Variants in GUCA1A observed in about 807,000 individuals in gnomAD.
The protein encoded by GUCA1A is guanylyl cyclase-activating protein 1.
Under a neutral mutation model 18.5 loss-of-function variants are expected in GUCA1A, and 14 were observed. That is an observed-to-expected ratio of 0.76 (90% CI 0.50 to 1.18). The LOEUF (loss-of-function observed/expected upper bound fraction) is 1.18. Among genes scored for constraint, GUCA1A ranks in the 50% most tolerant of loss-of-function variants. The pLI is 0.00. For missense variants in GUCA1A, 264 were observed against 262.4 expected (o/e 1.01, Z -0.04); for synonymous variants, 97 against 100.2 (o/e 0.97, Z 0.19).
chr6:42,175,897 C>T (rs1767948040), intron 1 of GUCA1A, among the ~76,000 whole-genome samples: 1 of 152,178 alleles, frequency 6.6e-6, no homozygotes, highest in Admixed American at 6.5e-5. Flanking sequence ...TAGAAGTCTC[C>T]TCACTAACCC....
chr6:42,173,690 T>A lies in GUCA1A; in HGVS notation c.77T>A (p.Met26Lys). ...TGCCACCAGTGGTACAAGAAGTTCA[T>A]GACTGAGTGCCCCTCTGGCCAACTC... ...TECHQWYKKF[M>K]TECPSGQLTL... Residue 26 changes from methionine to lysine, a missense_variant, in exon 1 of 4, where the codon ATG becomes AAG. Coordinates refer to ENST00000372958, the MANE Select transcript of GUCA1A (RefSeq NM_001384910.1). 6.2e-7 allele frequency: 1 copy of A among 1,613,966 alleles called. No homozygotes were observed. Among genetic ancestry groups the A allele is most frequent in the African/African-American group, 1.3e-5 (1 of 75,060 alleles).
At position 42,179,358 on chromosome 6, in the gene GUCA1A, G is replaced by A. The variant is rs753315609; in HGVS notation, c.561G>A (p.Glu187=). The change falls in exon 4 of 4, where the codon GAG becomes GAA. Residue 187 remains glutamate, a synonymous_variant. Coordinates refer to ENST00000372958, the MANE Select transcript of GUCA1A (RefSeq NM_001384910.1). ...TCGTGCGCAGGCTCCAGAATGGCGA[G>A]CAAGACGAGGAGGGGGCTGACGAGG... The part of the protein sequence containing the change: ...TRIVRRLQNG[E]QDEEGADEAA... 1.2e-6 allele frequency: 2 copies of A among 1,612,146 alleles called. No homozygotes were observed. The highest frequency in any genetic ancestry group is 2.2e-5 in the South Asian group (2 of 90,838).
At chr6:42,174,239 G>A (rs113956341) in intron 1 of GUCA1A, among the ~76,000 whole-genome samples, 6 of 152,206 alleles carry the variant, frequency 3.9e-5, no homozygotes, top group Non-Finnish European at 7.3e-5. Flanking sequence ...GGTCCTATAC[G>A]TGGTGCTTTT....
At chr6:42,176,230 C>T (rs1419545869) in intron 1 of GUCA1A, among the ~76,000 whole-genome samples, 1 of 152,128 alleles carries the variant, frequency 6.6e-6, no homozygotes, top group Non-Finnish European at 1.5e-5. Context: ...TTATAATATA[C>T]ATCAATTTAA....
rs1459475645 is a variant in GUCA1A at position 42,173,718 on chromosome 6, C to T, written c.105C>T (p.Thr35=). 1 of 1,613,500 alleles carries T rather than the reference C, an allele frequency of 6.2e-7. No individual in the cohort carries two copies. The highest frequency in any genetic ancestry group is 2.2e-5 in the East Asian group (1 of 44,882). Residue 35 remains threonine, a synonymous_variant, in exon 1 of 4, where the codon ACC becomes ACT. Transcript: ENST00000372958. ...FMTECPSGQL[T]LYEFRQFFGL... ...CTGAGTGCCCCTCTGGCCAACTCAC[C>T]CTCTATGAGTTCCGCCAGTTCTTCG...
At chr6:42,177,848 T>C (rs1767998021) in intron 1 of GUCA1A, among the ~76,000 whole-genome samples, 1 of 152,104 alleles carries the variant, frequency 6.6e-6, no homozygotes, top group Non-Finnish European at 1.5e-5. Context: ...TCCCAAAAGC[T>C]CACCCAAACC....
At chr6:42,176,439 T>C (rs958253670) in intron 1 of GUCA1A, among the ~76,000 whole-genome samples, 7 of 151,654 alleles carry the variant, frequency 4.6e-5, no homozygotes, top group African/African-American at 1.7e-4. Flanking sequence ...TTTGTTGTTG[T>C]TGTTGTTTTT....
chr6:42,173,500 A>C lies in GUCA1A; in HGVS notation c.-114A>C. The C allele has an allele frequency of 1.3e-6, 1 of 797,380 alleles. No individual in the cohort carries two copies. 49.4% of individuals were successfully genotyped at this position (797,380 alleles called of 1,614,324 possible). On this transcript the variant is annotated 5_prime_UTR_variant, in exon 1 of 4. Coordinates refer to ENST00000372958, the MANE Select transcript of GUCA1A (RefSeq NM_001384910.1). Reference sequence around the variant, plus strand: ...CAGGCCCTTCTTTGCTCAGGCCTGAAGGACTCAGGCCTGTGAGAGAGGACG... The same window carrying C: ...CAGGCCCTTCTTTGCTCAGGCCTGACGGACTCAGGCCTGTGAGAGAGGACG...
intron 1 of GUCA1A, among the ~76,000 whole-genome samples, chr6:42,177,777 G>A (rs1313826463): frequency 2.0e-5 from 3 of 152,166 alleles, no homozygotes; most frequent in Non-Finnish European, 4.4e-5. Context: ...GCCCACTGTG[G>A]GGTTCAGAGT....
chr6:42,175,593 G>A (rs1283734895), intron 1 of GUCA1A, among the ~76,000 whole-genome samples: 2 of 152,012 alleles, frequency 1.3e-5, no homozygotes, highest in African/African-American at 4.8e-5. Flanking sequence ...TCAAACTCTT[G>A]ACCTCAGGTG....
chr6:42,175,834 C>T (rs1170818061), intron 1 of GUCA1A, among the ~76,000 whole-genome samples: 1 of 152,212 alleles, frequency 6.6e-6, no homozygotes, highest in Non-Finnish European at 1.5e-5. Flanking sequence ...GGGACCCTCT[C>T]TGCCCCCAGA....
At position 42,178,412 on chromosome 6, in the gene GUCA1A, C is replaced by T. The variant is rs1768018820; in HGVS notation, c.334C>T (p.Leu112=). 1 of 1,614,010 alleles carries T rather than the reference C, an allele frequency of 6.2e-7. No individual in the cohort carries two copies. The highest frequency in any genetic ancestry group is 8.5e-7 in the Non-Finnish European group (1 of 1,179,904). Residue 112 remains leucine, a synonymous_variant, in exon 2 of 4, where the codon CTG becomes TTG. Coordinates refer to ENST00000372958, the MANE Select transcript of GUCA1A (RefSeq NM_001384910.1). ...DGNGCIDRDE[L]LTIIQAIRAI... ...CAACGGCTGCATTGACCGCGATGAG[C>T]TGCTCACCATCATCCAGGTGCAGAG...
rs1420549648 is a variant in GUCA1A at position 42,173,394 on chromosome 6, A to G, written c.-220A>G. 1 of 609,506 alleles carries G rather than the reference A, an allele frequency of 1.6e-6. No individual in the cohort carries two copies. Among genetic ancestry groups the G allele is most frequent in the African/African-American group, 1.8e-5 (1 of 54,414 alleles). The allele number at this position is 609,506 out of a possible 1,614,324, so 37.8% of individuals were successfully genotyped here. ...AGACTCTTAACACCAGTTCTCTGGCATCTGTGAGTTTGAGTGTGGGCCATC... is the reference window on the plus strand; with the variant it reads ...AGACTCTTAACACCAGTTCTCTGGCGTCTGTGAGTTTGAGTGTGGGCCATC... On this transcript the variant is annotated 5_prime_UTR_variant, in exon 1 of 4. Coordinates refer to ENST00000372958, the MANE Select transcript of GUCA1A (RefSeq NM_001384910.1).
Position 42,179,346 on chromosome 6 carries a change from C to G in GUCA1A, c.549C>G (p.Leu183=), listed in dbSNP as rs752273770. ...ACCTTACCCGCATCGTGCGCAGGCT[C>G]CAGAATGGCGAGCAAGACGAGGAGG... The part of the protein sequence containing the change: ...SLDLTRIVRR[L]QNGEQDEEGA... Residue 183 remains leucine, a synonymous_variant, in exon 4 of 4, where the codon CTC becomes CTG. Coordinates refer to ENST00000372958, the MANE Select transcript of GUCA1A (RefSeq NM_001384910.1). 6 of 1,613,282 alleles carry G rather than the reference C, an allele frequency of 3.7e-6. No homozygotes were observed. The highest frequency in any genetic ancestry group is 4.2e-6 in the Non-Finnish European group (5 of 1,179,460).
At chr6:42,174,284 A>G (rs1257200143) in intron 1 of GUCA1A, among the ~76,000 whole-genome samples, 1 of 152,222 alleles carries the variant, frequency 6.6e-6, no homozygotes, top group Non-Finnish European at 1.5e-5. Flanking sequence ...GGATGTGGGC[A>G]GAGGGGCAGA....
At chr6:42,174,522 C>T (rs1370047967) in intron 1 of GUCA1A, among the ~76,000 whole-genome samples, 3 of 152,158 alleles carry the variant, frequency 2.0e-5, no homozygotes, top group East Asian at 1.9e-4. Context: ...GCCACCTGGA[C>T]GCATTAGGTA....
chr6:42,178,819 C>T lies in GUCA1A; in HGVS notation c.369C>T (p.Asn123=), dbSNP rs867885093. Residue 123 remains asparagine, a synonymous_variant, in exon 3 of 4, where the codon AAC becomes AAT. Coordinates refer to ENST00000372958, the MANE Select transcript of GUCA1A (RefSeq NM_001384910.1). The part of the protein sequence containing the change: ...LTIIQAIRAI[N]PCSDTTMTAE... ...CCTCCCAGGCCATTCGCGCCATTAA[C>T]CCCTGCAGCGATACCACCATGACTG... 11 of 1,613,118 alleles carry T rather than the reference C, an allele frequency of 6.8e-6. No individual in the cohort carries two copies. Among genetic ancestry groups the T allele is most frequent in the Non-Finnish European group, 9.3e-6 (11 of 1,179,200 alleles).
rs34925828 is a variant in GUCA1A, at chr6:42,179,364, C to T, written c.567C>T (p.Asp189=). Residue 189 remains aspartate, a synonymous_variant, in exon 4 of 4, where the codon GAC becomes GAT. Coordinates refer to ENST00000372958, the MANE Select transcript of GUCA1A (RefSeq NM_001384910.1). The part of the protein sequence containing the change: ...IVRRLQNGEQ[D]EEGADEAAEA... ...GCAGGCTCCAGAATGGCGAGCAAGA[C>T]GAGGAGGGGGCTGACGAGGCCGCTG... The T allele has an allele frequency of 2.5e-3, 4,007 of 1,611,224 alleles. 55 individuals carry two copies. The African/African-American group carries it at 0.039, about 16-fold the overall frequency.
In GUCA1A at chr6:42,173,571, G is replaced by C. The variant is rs1225429391; in HGVS notation, c.-43G>C. The C allele has an allele frequency of 1.3e-6, 2 of 1,522,054 alleles. No homozygotes were observed. The highest frequency in any genetic ancestry group is 2.7e-5 in the African/African-American group (2 of 72,936). 94.3% of individuals were successfully genotyped at this position (1,522,054 alleles called of 1,614,324 possible). A position where few individuals can be genotyped will look rare whatever the true frequency, so the allele number is the denominator to read the frequency against. ...ACCTTTGGGCGAGGAGCAGCGAACA[G>C]GGCCTGTCCATCTCAGACGTCAGCC... On this transcript the variant is annotated 5_prime_UTR_variant, in exon 1 of 4. Coordinates refer to ENST00000372958, the MANE Select transcript of GUCA1A (RefSeq NM_001384910.1).
Sources: allele counts gnomAD v4.1 joint callset (sites outside exome capture counted in the v4.1 genomes callset), GRCh38; gene constraint gnomAD v4.1.1; transcripts MANE v1.5; gene names NCBI Gene and HGNC (gene_info 2026-07-23, HGNC 2026-07-21).